PTBP3: variants seen among roughly 807,000 people sequenced by gnomAD.
PTBP3 encodes polypyrimidine tract binding protein 3.
PTBP3 carries 20 observed loss-of-function variants against 58.7 expected under a neutral mutation model. The observed-to-expected ratio is 0.34, with a 90% CI of 0.24 to 0.50. The LOEUF (loss-of-function observed/expected upper bound fraction) is 0.50, where lower values mean the gene tolerates loss of function less well. Among genes scored for constraint, PTBP3 ranks in the 20% least tolerant of loss-of-function variants. PTBP3 has a pLI of 0.98. For missense variants in PTBP3, 509 were observed against 637.2 expected (o/e 0.80, Z 2.17); for synonymous variants, 185 against 219.8 (o/e 0.84, Z 1.40).
intron 1 of PTBP3, among the ~76,000 whole-genome samples, chr9:112,304,746 G>A (rs1829096179): frequency 6.6e-6 from 1 of 152,024 alleles, no homozygotes; most frequent in Non-Finnish European, 1.5e-5. Flanking sequence ...TTTAATTTTT[G>A]TAGACAGAAA....
intron 1 of PTBP3, among the ~76,000 whole-genome samples, chr9:112,318,774 T>C (rs1183410729): frequency 2.7e-5 from 4 of 146,370 alleles, no homozygotes. Context: ...AAAAAAAAAA[T>C]TGAGATATTG....
At chr9:112,360,119 A>G in the PTBP3 span, among the ~76,000 whole-genome samples, 1 of 152,228 alleles carries the variant, frequency 6.6e-6, no homozygotes, top group Non-Finnish European at 1.5e-5. Context: ...AAGAAAAGGC[A>G]CAGCTCGGAG....
chr9:112,332,534 A>G (rs1039533974), intron 1 of PTBP3, among the ~76,000 whole-genome samples: 2 of 152,184 alleles, frequency 1.3e-5, no homozygotes, highest in Non-Finnish European at 2.9e-5. Context: ...ATGGGAATAA[A>G]CCGAGTTGGA....
the PTBP3 span, among the ~76,000 whole-genome samples, chr9:112,350,209 G>C: frequency 6.6e-6 from 1 of 152,058 alleles, no homozygotes; most frequent in African/African-American, 2.4e-5. Flanking sequence ...AATGGACTTT[G>C]GGGACTCAGA....
chr9:112,266,743 A>T (rs1490571185), intron 4 of PTBP3, among the ~76,000 whole-genome samples: 1 of 152,236 alleles, frequency 6.6e-6, no homozygotes, highest in Non-Finnish European at 1.5e-5. Flanking sequence ...GTAAAATTAG[A>T]TATATAGACA....
At chr9:112,354,968 T>G in the PTBP3 span, among the ~76,000 whole-genome samples, 1 of 152,170 alleles carries the variant, frequency 6.6e-6, no homozygotes. Context: ...ATACCGTTTC[T>G]CAGAATTAAT....
intron 2 of PTBP3, among the ~76,000 whole-genome samples, chr9:112,294,349 T>C (rs1357698994): frequency 6.6e-6 from 1 of 152,020 alleles, no homozygotes; most frequent in Non-Finnish European, 1.5e-5. Flanking sequence ...TAAGGCCCCA[T>C]CTCTACAGAA....
chr9:112,250,598 CAA>C (rs1269737688), intron 7 of PTBP3, among the ~76,000 whole-genome samples: 2 of 152,030 alleles, frequency 1.3e-5, no homozygotes, highest in Non-Finnish European at 2.9e-5. Flanking sequence ...GCATATATGG[CAA>C]AATTATTATG....
At chr9:112,224,711 T>C (rs1004048459) in intron 12 of PTBP3, among the ~76,000 whole-genome samples, 5 of 152,154 alleles carry the variant, frequency 3.3e-5, no homozygotes, top group African/African-American at 9.7e-5. Context: ...TCCCCTCCCA[T>C]AGAAAGCACA....
the PTBP3 span, among the ~76,000 whole-genome samples, chr9:112,360,403 C>T: frequency 1.5e-4 from 23 of 152,040 alleles, no homozygotes; most frequent in African/African-American, 5.6e-4. Context: ...CCAGGCTGGT[C>T]TCATACTCCT....
intron 7 of PTBP3, among the ~76,000 whole-genome samples, chr9:112,247,452 CT>C (rs1169593326): frequency 6.6e-6 from 1 of 151,580 alleles, no homozygotes; most frequent in East Asian, 1.9e-4. Context: ...ATTTTCACAA[CT>C]GGCACTTTGG....
intron 2 of PTBP3, among the ~76,000 whole-genome samples, chr9:112,288,553 T>C (rs1241382529): frequency 6.8e-6 from 1 of 145,988 alleles, no homozygotes; most frequent in East Asian, 2.0e-4. Context: ...AGGGTGACAA[T>C]AGCATTACCT....
At chr9:112,279,970 T>A (rs189549942) in intron 2 of PTBP3, among the ~76,000 whole-genome samples, 148 of 152,368 alleles carry the variant, frequency 9.7e-4, no homozygotes, top group African/African-American at 3.4e-3. Flanking sequence ...CAACTGACTT[T>A]GATATCTTGA....
At chr9:112,255,453 T>C (rs781348648) in intron 5 of PTBP3, among the ~76,000 whole-genome samples, 1 of 152,162 alleles carries the variant, frequency 6.6e-6, no homozygotes, top group Non-Finnish European at 1.5e-5. Flanking sequence ...AACTCAATGT[T>C]TTCTCTCAAT....
chr9:112,316,934 T>C (rs1416900298), intron 1 of PTBP3, among the ~76,000 whole-genome samples: 2 of 148,400 alleles, frequency 1.3e-5, no homozygotes, highest in Non-Finnish European at 3.0e-5. Context: ...ATCATGCCGC[T>C]GCACTCCAGG....
At chr9:112,308,013 C>T (rs1359789976) in intron 1 of PTBP3, among the ~76,000 whole-genome samples, 2 of 152,190 alleles carry the variant, frequency 1.3e-5, no homozygotes, top group Admixed American at 1.3e-4. Flanking sequence ...TGGCATAAGA[C>T]AATTCTTCTT....
chr9:112,252,275 C>A (rs1836155702), intron 6 of PTBP3: 1 of 194,026 alleles, frequency 5.2e-6, no homozygotes, highest in Admixed American at 5.8e-5. Flanking sequence ...GCCATACCAC[C>A]CTGAATGCAC....
chr9:112,286,720 T>A (rs1046497785), intron 2 of PTBP3, among the ~76,000 whole-genome samples: 2 of 152,242 alleles, frequency 1.3e-5, no homozygotes, highest in African/African-American at 4.8e-5. Context: ...CATATTCACA[T>A]ATTTATCATG....
At chr9:112,278,971 A>AT (rs1827739945) in intron 2 of PTBP3, among the ~76,000 whole-genome samples, 1 of 152,108 alleles carries the variant, frequency 6.6e-6, no homozygotes, top group South Asian at 2.1e-4. Context: ...AATGACAGTG[A>AT]TTTTTTGCAC....
Sources: gnomAD v4.1 joint callset for allele counts (sites outside exome capture counted in the v4.1 genomes callset) on GRCh38, gnomAD v4.1.1 for gene constraint, MANE v1.5 for transcripts, NCBI Gene and HGNC (gene_info 2026-07-23, HGNC 2026-07-21) for gene names.